Variants in IL26 observed in about 807,000 individuals in gnomAD.
IL26 encodes interleukin-26.
IL26 carries 23 observed loss-of-function variants against 21.7 expected under a neutral mutation model. The ratio of observed to expected loss-of-function variants is 1.06; its 90% CI spans 0.76 to 1.50. The LOEUF (loss-of-function observed/expected upper bound fraction) is 1.50, where lower values mean the gene tolerates loss of function less well. Ranked by LOEUF, IL26 falls within the 40% of genes most tolerant of loss-of-function variation. IL26 has a pLI of 0.00. For missense variants in IL26, 204 were observed against 196.0 expected (o/e 1.04, Z -0.24); for synonymous variants, 63 against 67.8 (o/e 0.93, Z 0.34).
intron 3 of IL26, among the ~76,000 whole-genome samples, chr12:68,208,486 C>G (rs1565736907): frequency 6.6e-6 from 1 of 151,894 alleles, no homozygotes; most frequent in Non-Finnish European, 1.5e-5. Flanking sequence ...CATTTTCTTT[C>G]TTTCTTTCTT....
chr12:68,215,205 A>G (rs1000870922), intron 3 of IL26, among the ~76,000 whole-genome samples: 1 of 152,200 alleles, frequency 6.6e-6, no homozygotes, highest in Non-Finnish European at 1.5e-5. Context: ...TGAGGCAGGT[A>G]TAGGTATCCT....
chr12:68,220,563 T>C (rs1869016661), intron 3 of IL26, among the ~76,000 whole-genome samples: 1 of 152,232 alleles, frequency 6.6e-6, no homozygotes, highest in African/African-American at 2.4e-5. Context: ...ATTTCTTCAA[T>C]ATGACACCAA....
chr12:68,223,884 G>GTTTTTTTTTT (rs376115904), intron 3 of IL26, among the ~76,000 whole-genome samples: 1 of 132,272 alleles, frequency 7.6e-6, no homozygotes, highest in Non-Finnish European at 1.6e-5. Flanking sequence ...AAATTTGGTG[G>GTTTTTTTTTT]TTTTTTTTTT....
intron 3 of IL26, among the ~76,000 whole-genome samples, chr12:68,212,296 GT>G (rs1291301922): frequency 6.6e-6 from 1 of 151,980 alleles, no homozygotes; most frequent in African/African-American, 2.4e-5. Context: ...TTTATAGTAT[GT>G]TTTGAAGTCA....
At chr12:68,207,835 T>C (rs1325727591) in intron 3 of IL26, among the ~76,000 whole-genome samples, 1 of 152,230 alleles carries the variant, frequency 6.6e-6, no homozygotes, top group Non-Finnish European at 1.5e-5. Context: ...AATAGATTTG[T>C]GGATACTTCA....
intron 3 of IL26, among the ~76,000 whole-genome samples, chr12:68,204,141 A>ATTTTTTTTTTTTT (rs6144754): frequency 2.6e-5 from 3 of 113,216 alleles, no homozygotes; most frequent in African/African-American, 3.5e-5. Flanking sequence ...GGATTCAAAG[A>ATTTTTTTTTTTTT]TTTTTTTTTT....
At chr12:68,202,120 A>G (rs2120413120) in intron 3 of IL26, 37 bp from the exon 4 acceptor site, 1 of 1,303,526 alleles carries the variant, frequency 7.7e-7, no homozygotes, top group South Asian at 1.3e-5. Flanking sequence ...AATATTGTTG[A>G]AGAGGCATTA....
chr12:68,221,764 C>T (rs1869052950), intron 3 of IL26, among the ~76,000 whole-genome samples: 1 of 152,164 alleles, frequency 6.6e-6, no homozygotes, highest in Admixed American at 6.5e-5. Flanking sequence ...TGATACAAAA[C>T]AACACCCACC....
chr12:68,207,071 T>C (rs1188959995), intron 3 of IL26, among the ~76,000 whole-genome samples: 3 of 152,344 alleles, frequency 2.0e-5, no homozygotes, highest in Middle Eastern at 3.4e-3. Flanking sequence ...TACACCCACA[T>C]GAAAGCTGCA....
chr12:68,210,013 G>C (rs1278423778), intron 3 of IL26, among the ~76,000 whole-genome samples: 1 of 151,794 alleles, frequency 6.6e-6, no homozygotes, highest in East Asian at 1.9e-4. Context: ...CACCCTTCTT[G>C]TTGTTTTTTG....
Position 68,225,471 on chromosome 12 carries a change from T to A in IL26, c.201A>T (p.Leu67Phe). The A allele has an allele frequency of 1.3e-6, 2 of 1,590,554 alleles. No individual in the cohort carries two copies. The highest frequency in any genetic ancestry group is 2.2e-5 in the East Asian group (1 of 44,772). ...PEDRIKNIRL[L>F]KKKTKKQFMK... ...TAAACTGCTTTTTTGTTTTCTTTTT[T>A]AATAATCGTATATTTTTTATGCGGT... Residue 67 changes from leucine (L) to phenylalanine (F), a missense_variant, in exon 2 of 5, where the codon TTA becomes TTT. By Grantham distance (22) the Leu-to-Phe change is conservative. Transcript: ENST00000229134.
rs1009196245 is a variant in IL26 at position 68,201,486 on chromosome 12, A to G, written c.*359T>C. The G allele has an allele frequency of 4.3e-5, 8 of 188,218 alleles. No individual in the cohort carries two copies. Among genetic ancestry groups the G allele is most frequent in the Non-Finnish European group, 8.8e-5 (8 of 90,830 alleles). 11.7% of individuals were successfully genotyped at this position (188,218 alleles called of 1,614,324 possible). ...TCTATTTAAGTCTCAGTAACATTAC[A>G]TTGCATTCCAGAAATCTGTCATTCC... On this transcript the variant is annotated 3_prime_UTR_variant, in exon 5 of 5. Coordinates refer to ENST00000229134, the MANE Select transcript of IL26 (RefSeq NM_018402.2).
intron 3 of IL26, among the ~76,000 whole-genome samples, chr12:68,207,298 T>A (rs892559135): frequency 7.2e-5 from 11 of 152,166 alleles, no homozygotes; most frequent in Non-Finnish European, 1.6e-4. Context: ...TTTCTCTACT[T>A]CTTGGGAGCA....
chr12:68,203,492 G>T (rs741345), intron 3 of IL26, among the ~76,000 whole-genome samples: 1 of 152,146 alleles, frequency 6.6e-6, no homozygotes, highest in Non-Finnish European at 1.5e-5. Context: ...TCCTATGCTC[G>T]TGACAAAATA....
chr12:68,203,644 T>A (rs1450844299), intron 3 of IL26, among the ~76,000 whole-genome samples: 3 of 152,154 alleles, frequency 2.0e-5, no homozygotes. Context: ...ACACTTGAAA[T>A]GAAAGTGGCT....
intron 3 of IL26, among the ~76,000 whole-genome samples, chr12:68,207,349 T>C (rs1454223949): frequency 6.6e-6 from 1 of 152,206 alleles, no homozygotes; most frequent in Admixed American, 6.5e-5. Flanking sequence ...GCACCCATGG[T>C]ATTATTCAAG....
At chr12:68,222,646 G>A (rs563676724) in intron 3 of IL26, among the ~76,000 whole-genome samples, 2 of 152,256 alleles carry the variant, frequency 1.3e-5, no homozygotes, top group African/African-American at 4.8e-5. Context: ...AAGGTTCTGC[G>A]GAAAGCTTTC....
At chr12:68,203,363 A>G (rs1868440847) in intron 3 of IL26, among the ~76,000 whole-genome samples, 1 of 152,254 alleles carries the variant, frequency 6.6e-6, no homozygotes, top group South Asian at 2.1e-4. Flanking sequence ...GTTTTTACTC[A>G]TAAAACTTTT....
chr12:68,225,495 G>T lies in IL26; in HGVS notation c.177C>A (p.Asp59Glu). Residue 59 changes from aspartate (D) to glutamate (E), a missense_variant, in exon 2 of 5, where the codon GAC becomes GAA. Coordinates refer to ENST00000229134, the MANE Select transcript of IL26 (RefSeq NM_018402.2). ...TTAATAATCGTATATTTTTTATGCG[G>T]TCTTCCTACAATAATACAAAGAGAA... Reference protein sequence around the residue: ...AAWLKATIPEDRIKNIRLLKK... With the variant: ...AAWLKATIPEERIKNIRLLKK... 2 of 1,593,996 alleles carry T rather than the reference G, an allele frequency of 1.3e-6. No homozygotes were observed. Among genetic ancestry groups the T allele is most frequent in the East Asian group, 2.2e-5 (1 of 44,778 alleles).
Sources: gnomAD v4.1 joint callset for allele counts (sites outside exome capture counted in the v4.1 genomes callset) on GRCh38, gnomAD v4.1.1 for gene constraint, MANE v1.5 for transcripts, NCBI Gene and HGNC (gene_info 2026-07-23, HGNC 2026-07-21) for gene names.